PCDH15: variants seen among roughly 807,000 people sequenced by gnomAD.
The protein encoded by PCDH15 is protocadherin related 15.
In PCDH15, 129 loss-of-function variants were observed where a neutral mutation model predicts 178.5. The ratio of observed to expected loss-of-function variants is 0.72; its 90% CI spans 0.63 to 0.84. The LOEUF (loss-of-function observed/expected upper bound fraction) is 0.84, where lower values mean the gene tolerates loss of function less well. Ranked by LOEUF, PCDH15 falls within the 40% of genes least tolerant of loss-of-function variation. The pLI is 0.00. For synonymous variants in PCDH15, 800 were observed against 732.0 expected (o/e 1.09, Z -1.50); for missense variants, 2,230 against 2,099.9 (o/e 1.06, Z -1.21).
intron 13 of PCDH15, among the ~76,000 whole-genome samples, chr10:54,181,981 C>T (rs867909464): frequency 2.0e-5 from 3 of 152,080 alleles, no homozygotes; most frequent in South Asian, 4.1e-4. Flanking sequence ...CTTTTTAAGA[C>T]GGAGTCTCTC....
intron 2 of PCDH15, among the ~76,000 whole-genome samples, chr10:55,022,827 C>T (rs1276555804): frequency 6.6e-6 from 1 of 151,416 alleles, no homozygotes; most frequent in Non-Finnish European, 1.5e-5. Context: ...TCTCCTGCCT[C>T]AGCCTCCTGA....
rs757027490 is a variant in PCDH15 at position 54,185,215 on chromosome 10, G to A, written c.1359C>T (p.Thr453=). The A allele has an allele frequency of 6.8e-6, 11 of 1,613,380 alleles. No homozygotes were observed. Among genetic ancestry groups the A allele is most frequent in the Admixed American group, 3.3e-5 (2 of 59,964 alleles). ...LFLNDYTSVF[T]VTQTGITRYL... is the part of the protein sequence containing the mutation. The stretch of plus-strand genomic sequence containing the variant: ...AGCGAGTAATACCAGTCTGTGTGAC[G>A]GTGAAGACTGAGGTGTAGTCATTCA... Residue 453 remains threonine, a synonymous_variant, in exon 12 of 38, where the codon ACC becomes ACT. Transcript: ENST00000644397.
chr10:54,883,165 G>A (rs1410678942), intron 3 of PCDH15, among the ~76,000 whole-genome samples: 2 of 151,954 alleles, frequency 1.3e-5, no homozygotes. Context: ...GAAGCTAACA[G>A]CTACTCTCTT....
intron 2 of PCDH15, among the ~76,000 whole-genome samples, chr10:55,326,445 G>A (rs955159911): frequency 9.2e-5 from 14 of 152,032 alleles, no homozygotes; most frequent in African/African-American, 2.9e-4. Flanking sequence ...CATGGATGGA[G>A]CTGGAGGCCA....
intron 21 of PCDH15, among the ~76,000 whole-genome samples, chr10:53,985,052 A>T (rs1378958666): frequency 6.6e-6 from 1 of 152,184 alleles, no homozygotes; most frequent in Non-Finnish European, 1.5e-5. Flanking sequence ...AGATATGTGG[A>T]ACAGACATGA....
At chr10:55,091,550 A>T (rs1418971608) in intron 2 of PCDH15, among the ~76,000 whole-genome samples, 1 of 151,958 alleles carries the variant, frequency 6.6e-6, no homozygotes, top group Non-Finnish European at 1.5e-5. Context: ...CCAAGGGTAC[A>T]ATTACTAAAA....
chr10:55,532,941 C>T (rs766166220), intron 2 of PCDH15, among the ~76,000 whole-genome samples: 3 of 151,956 alleles, frequency 2.0e-5, no homozygotes, highest in Non-Finnish European at 4.4e-5. Flanking sequence ...CAGAACTGAC[C>T]ACCATTTTGT....
At chr10:53,929,282 C>T (rs376099548) in intron 25 of PCDH15, among the ~76,000 whole-genome samples, 4 of 152,110 alleles carry the variant, frequency 2.6e-5, no homozygotes, top group East Asian at 3.9e-4. Flanking sequence ...CAATTTTATG[C>T]TATGAGTCCA....
Position 55,131,035 on chromosome 10 carries a change from T to TA in PCDH15, c.-80+35540dup, listed in dbSNP as rs199863863. On this transcript the variant is annotated intron_variant, in intron 2 of 5. Coordinates refer to the PCDH15 transcript ENST00000458638. Reference sequence around the variant, plus strand: ...AACACAACATCCTCCTTTCTTGACTTAAAAAAAAATGCCCGAAGTTCATAG... The same window carrying TA: ...AACACAACATCCTCCTTTCTTGACTTAAAAAAAAAATGCCCGAAGTTCATAG... Among the ~76,000 whole-genome samples the TA allele has an allele frequency of 5.4e-3, 816 of 151,032 alleles. 5 individuals carry two copies. The highest frequency in any genetic ancestry group is 6.6e-3 in the Non-Finnish European group (447 of 67,690).
intron 22 of PCDH15, 145 bp downstream of exon 22, chr10:53,961,607 G>C: frequency 1.8e-6 from 1 of 552,702 alleles, no homozygotes; most frequent in Non-Finnish European, 2.8e-6. Context: ...ATTTTTGTAA[G>C]TTTCTAAGAG....
At chr10:55,287,429 A>C (rs183642860) in intron 1 of PCDH15, among the ~76,000 whole-genome samples, 25 of 152,210 alleles carry the variant, frequency 1.6e-4, no homozygotes, top group Admixed American at 1.3e-3. Flanking sequence ...ATGACTGTCA[A>C]TTAGTGATTT....
chr10:54,507,505 GA>G (rs2137623427), intron 3 of PCDH15, among the ~76,000 whole-genome samples: 1 of 151,672 alleles, frequency 6.6e-6, no homozygotes, highest in African/African-American at 2.4e-5. Context: ...ATGGTATATG[GA>G]AAGAAAAAAT....
chr10:53,940,863 C>T lies in PCDH15; in HGVS notation c.3232+3G>A. ...TGAGAACACAAACTAAAAGTCTACTCACCTTCTTCATTTCCTGAAACAATG... is the reference window on the plus strand; with the variant it reads ...TGAGAACACAAACTAAAAGTCTACTTACCTTCTTCATTTCCTGAAACAATG... On this transcript the variant is annotated splice_donor_region_variant and intron_variant, in intron 24 of 37. Coordinates refer to ENST00000644397, the MANE Select transcript of PCDH15 (RefSeq NM_001384140.1). 1.2e-6 allele frequency: 2 copies of T among 1,601,874 alleles called. No homozygotes were observed. Among genetic ancestry groups the T allele is most frequent in the Non-Finnish European group, 1.7e-6 (2 of 1,169,076 alleles).
intron 28 of PCDH15, among the ~76,000 whole-genome samples, chr10:53,855,317 T>C (rs956123322): frequency 2.0e-5 from 3 of 152,050 alleles, no homozygotes; most frequent in Non-Finnish European, 4.4e-5. Flanking sequence ...CCTGTCTCAA[T>C]AGGCTTTTAT....
chr10:55,153,958 T>TAATAAGAA (rs1400704741), intron 2 of PCDH15, among the ~76,000 whole-genome samples: 1 of 152,194 alleles, frequency 6.6e-6, no homozygotes, highest in Non-Finnish European at 1.5e-5. Flanking sequence ...AAATTGGCTT[T>TAATAAGAA]CTCATTAAAA....
At chr10:54,641,115 A>T in intron 2 of PCDH15, 2 of 251,654 alleles carry the variant, frequency 7.9e-6, no homozygotes, top group South Asian at 7.3e-5. Context: ...CAAAATGAAT[A>T]TAATAAAAAT....
At chr10:54,133,675 T>A (rs2042638358) in intron 14 of PCDH15, among the ~76,000 whole-genome samples, 2 of 152,104 alleles carry the variant, frequency 1.3e-5, no homozygotes, top group Non-Finnish European at 2.9e-5. Flanking sequence ...GGAAAAAAAA[T>A]TAGCATTGAC....
chr10:54,669,946 C>T (rs1565900989), intron 1 of PCDH15, among the ~76,000 whole-genome samples: 1 of 151,768 alleles, frequency 6.6e-6, no homozygotes, highest in East Asian at 1.9e-4. Context: ...CTCAGTTACT[C>T]AGGAGGCTGA....
intron 21 of PCDH15, among the ~76,000 whole-genome samples, chr10:53,969,664 C>CA (rs565180532): frequency 6.6e-6 from 1 of 152,070 alleles, no homozygotes; most frequent in Non-Finnish European, 1.5e-5. Flanking sequence ...GATCTCTAAG[C>CA]AAAAAATGTA....
Sources: gnomAD v4.1 joint callset for allele counts (sites outside exome capture counted in the v4.1 genomes callset) on GRCh38, gnomAD v4.1.1 for gene constraint, MANE v1.5 for transcripts, NCBI Gene and HGNC (gene_info 2026-07-23, HGNC 2026-07-21) for gene names.